Variants in SCFD2 observed in about 807,000 individuals in gnomAD.
SCFD2 encodes the protein sec1 family domain containing 2, also known as sec1 family domain-containing protein 2.
In SCFD2, 54 loss-of-function variants were observed where a neutral mutation model predicts 58.9. That is an observed-to-expected ratio of 0.92 (90% CI 0.74 to 1.15). The LOEUF is 1.15. Ranked by LOEUF, SCFD2 falls within the 50% of genes most tolerant of loss-of-function variation. The probability of loss-of-function intolerance (pLI) is 0.00; values close to 1 mark genes in which losing one functional copy is unlikely to be tolerated. For synonymous variants in SCFD2, 321 were observed against 335.9 expected (o/e 0.96, Z 0.49); for missense variants, 805 against 836.6 (o/e 0.96, Z 0.47).
intron 5 of SCFD2, among the ~76,000 whole-genome samples, chr4:53,010,768 T>C (rs1486869795): frequency 6.6e-6 from 1 of 152,178 alleles, no homozygotes; most frequent in African/African-American, 2.4e-5. Flanking sequence ...TTTTCCCATT[T>C]TGGGGCCGGG....
At chr4:53,341,316 G>C (rs1733864717) in intron 2 of SCFD2, among the ~76,000 whole-genome samples, 1 of 152,176 alleles carries the variant, frequency 6.6e-6, no homozygotes, top group Non-Finnish European at 1.5e-5. Flanking sequence ...ACATGCACAA[G>C]CTTCAGTAGC....
In SCFD2 at chr4:53,313,682, T is replaced by C; in HGVS notation, c.1089A>G (p.Leu363=). ...KEAVMEVRRH[L]VEAASRENLP... ...GGTTTTCTCTGCTTGCCGCTTCCAC[T>C]AGATGTCTCCGAACTTCCATCACTG... The change falls in exon 3 of 9, where the codon CTA becomes CTG. Residue 363 remains leucine (L), a synonymous_variant. Transcript: ENST00000401642. 9 of 1,614,056 alleles carry C rather than the reference T, an allele frequency of 5.6e-6. No individual in the cohort carries two copies. The highest frequency in any genetic ancestry group is 7.6e-6 in the Non-Finnish European group (9 of 1,179,942).
chr4:53,147,687 G>T (rs184133572), intron 4 of SCFD2, among the ~76,000 whole-genome samples: 5 of 152,192 alleles, frequency 3.3e-5, no homozygotes, highest in African/African-American at 1.2e-4. Flanking sequence ...TAGAGCAGGG[G>T]TGTCCAATCT....
At chr4:53,262,147 T>C (rs1239164446) in intron 4 of SCFD2, among the ~76,000 whole-genome samples, 1 of 152,190 alleles carries the variant, frequency 6.6e-6, no homozygotes, top group African/African-American at 2.4e-5. Context: ...TGAGTCCTTA[T>C]GTGTTAGATG....
chr4:53,047,391 T>C (rs577268234), intron 5 of SCFD2, among the ~76,000 whole-genome samples: 1 of 152,268 alleles, frequency 6.6e-6, no homozygotes, highest in South Asian at 2.1e-4. Flanking sequence ...GAGGTGGCAG[T>C]GAGCCATGAT....
chr4:52,943,316 G>C (rs1720339969), intron 5 of SCFD2, among the ~76,000 whole-genome samples: 1 of 152,184 alleles, frequency 6.6e-6, no homozygotes, highest in Non-Finnish European at 1.5e-5. Flanking sequence ...ATATGTTTTA[G>C]TTTGTTCTGT....
At chr4:52,874,469 G>C (rs1368025601) in intron 8 of SCFD2, among the ~76,000 whole-genome samples, 2 of 152,224 alleles carry the variant, frequency 1.3e-5, no homozygotes, top group African/African-American at 4.8e-5. Flanking sequence ...GGGAGCCTTT[G>C]CTCCTCCAGG....
intron 3 of SCFD2, among the ~76,000 whole-genome samples, chr4:53,277,725 A>G (rs1731369740): frequency 6.6e-6 from 1 of 152,220 alleles, no homozygotes. Context: ...TAATAACCGT[A>G]TGTTCATTTT....
intron 5 of SCFD2, among the ~76,000 whole-genome samples, chr4:53,008,254 T>C (rs1278031101): frequency 6.6e-6 from 1 of 152,142 alleles, no homozygotes; most frequent in African/African-American, 2.4e-5. Flanking sequence ...CTACAGCTGA[T>C]GCCTCTGCAT....
chr4:53,207,530 T>TATAA (rs375151293), intron 4 of SCFD2, among the ~76,000 whole-genome samples: 8 of 16,732 alleles, frequency 4.8e-4, no homozygotes, highest in South Asian at 3.5e-3. Context: ...TATATAATAT[T>TATAA]TATATATTAT....
chr4:53,238,579 G>A (rs1268668009), intron 4 of SCFD2, among the ~76,000 whole-genome samples: 3 of 151,906 alleles, frequency 2.0e-5, no homozygotes, highest in African/African-American at 7.3e-5. Context: ...CGGCTGCCGG[G>A]CGGAGGGGCT....
At chr4:53,206,035 G>C (rs551178504) in intron 4 of SCFD2, among the ~76,000 whole-genome samples, 2 of 152,218 alleles carry the variant, frequency 1.3e-5, no homozygotes, top group African/African-American at 4.8e-5. Context: ...TATTACACTA[G>C]TCCCCCAAAG....
At chr4:53,205,654 T>G (rs1035889114) in intron 4 of SCFD2, among the ~76,000 whole-genome samples, 1 of 151,898 alleles carries the variant, frequency 6.6e-6, no homozygotes, top group Non-Finnish European at 1.5e-5. Flanking sequence ...GGTCAGGAGA[T>G]CGCGACCATC....
intron 5 of SCFD2, among the ~76,000 whole-genome samples, chr4:53,037,452 C>G (rs1722793008): frequency 6.6e-6 from 1 of 151,856 alleles, no homozygotes; most frequent in Non-Finnish European, 1.5e-5. Context: ...AATTTTAAAG[C>G]TATAAAATCT....
Position 52,907,479 on chromosome 4 carries a change from G to C in SCFD2, c.1820C>G (p.Thr607Ser). 1 of 1,614,014 alleles carries C rather than the reference G, an allele frequency of 6.2e-7. No homozygotes were observed. The highest frequency in any genetic ancestry group is 8.5e-7 in the Non-Finnish European group (1 of 1,179,906). Reference sequence around the variant, plus strand: ...TACCTTCATGAACATGCTAAATCCAGTTTTAAGGAGATCAGTGAGGCCTGA... The same window carrying C: ...TACCTTCATGAACATGCTAAATCCACTTTTAAGGAGATCAGTGAGGCCTGA... Reference protein sequence around the residue: ...MSSGLTDLLKTGFSMFMKVSR... With the variant: ...MSSGLTDLLKSGFSMFMKVSR... The change falls in exon 7 of 9, where the codon ACT becomes AGT. Residue 607 changes from threonine to serine, a missense_variant. By Grantham distance (58) the Thr-to-Ser change is moderately conservative. Coordinates refer to ENST00000401642, the MANE Select transcript of SCFD2 (RefSeq NM_152540.4).
chr4:53,177,882 C>T lies in SCFD2; in HGVS notation c.1312-32300G>A, dbSNP rs186299676. Among the ~76,000 whole-genome samples, 56 of 152,126 alleles carry T rather than the reference C, an allele frequency of 3.7e-4. No individual in the cohort carries two copies. The East Asian group carries it at 7.9e-3, about 22-fold the overall frequency. ...CCTGCACCTGGCTCAGAGGGTCCTA[C>T]GCCCACAGAGTCTCACTCATTTCTA... On this transcript the variant is annotated intron_variant, in intron 4 of 8. Transcript: ENST00000401642.
At chr4:52,995,831 G>A (rs1401201443) in intron 5 of SCFD2, among the ~76,000 whole-genome samples, 1 of 152,168 alleles carries the variant, frequency 6.6e-6, no homozygotes, top group Non-Finnish European at 1.5e-5. Flanking sequence ...GCTGTGTTAT[G>A]TCCCACATAT....
At chr4:53,192,460 T>G (rs1727942318) in intron 4 of SCFD2, among the ~76,000 whole-genome samples, 1 of 152,192 alleles carries the variant, frequency 6.6e-6, no homozygotes, top group African/African-American at 2.4e-5. Context: ...GGAAACTGAG[T>G]GAGGGGTATA....
intron 4 of SCFD2, among the ~76,000 whole-genome samples, chr4:53,214,559 G>A (rs1728745843): frequency 6.6e-6 from 1 of 152,010 alleles, no homozygotes; most frequent in Non-Finnish European, 1.5e-5. Context: ...TTAGTCCTTT[G>A]TCAGATGAGT....
Sources: gnomAD v4.1 joint callset for allele counts (sites outside exome capture counted in the v4.1 genomes callset) on GRCh38, gnomAD v4.1.1 for gene constraint, MANE v1.5 for transcripts, NCBI Gene and HGNC (gene_info 2026-07-23, HGNC 2026-07-21) for gene names.